Variants in OSCP1 observed in about 807,000 individuals in gnomAD.
The protein encoded by OSCP1 is protein OSCP1.
Under a neutral mutation model 45.1 loss-of-function variants are expected in OSCP1, and 35 were observed. The ratio of observed to expected loss-of-function variants is 0.78; its 90% CI spans 0.59 to 1.03. OSCP1 has a LOEUF of 1.03. OSCP1 is among the 50% of genes least tolerant of loss of function. OSCP1 has a pLI of 0.00. For missense variants in OSCP1, 400 were observed against 470.7 expected (o/e 0.85, Z 1.39); for synonymous variants, 179 against 180.1 (o/e 0.99, Z 0.05).
At position 36,422,867 on chromosome 1, in the gene OSCP1, T is replaced by C. The variant is rs371086943; in HGVS notation, c.650A>G (p.Lys217Arg). ...RMFNNKGEEV[K>R]RIEFKHGGNY... ...TCCACCATGCTTGAATTCTATCCTC[T>C]TCACTTCTTCACCTTTGTTGTTGAA... Residue 217 changes from lysine to arginine, a missense_variant, in exon 6 of 10, where the codon AAG (lysine) becomes AGG (arginine). Physicochemically the swap from Lys to Arg is conservative, Grantham distance 26. Coordinates refer to ENST00000235532, the MANE Select transcript of OSCP1 (RefSeq NM_145047.5). 3.1e-6 allele frequency: 5 copies of C among 1,607,856 alleles called. No individual in the cohort carries two copies. Among genetic ancestry groups the C allele is most frequent in the Non-Finnish European group, 4.2e-6 (5 of 1,176,664 alleles).
At position 36,419,032 on chromosome 1, in the gene OSCP1, C is replaced by T; in HGVS notation, c.982G>A (p.Glu328Lys). 1 of 1,612,790 alleles carries T rather than the reference C, an allele frequency of 6.2e-7. No homozygotes were observed. The highest frequency in any genetic ancestry group is 8.5e-7 in the Non-Finnish European group (1 of 1,178,840). ...EEEQAALTRP[E>K]ELSYEVINIQ... is the part of the protein sequence containing the mutation. ...TTGATAACTTCATAGGATAACTCTTCTGGCCTGGTTAGCGCTGCTTGTCTG... is the reference window on the plus strand; with the variant it reads ...TTGATAACTTCATAGGATAACTCTTTTGGCCTGGTTAGCGCTGCTTGTCTG... Residue 328 changes from glutamate to lysine, a missense_variant, in exon 9 of 10, where the codon GAA becomes AAA. By Grantham distance (56) the Glu-to-Lys change is moderately conservative. Coordinates refer to ENST00000235532, the MANE Select transcript of OSCP1 (RefSeq NM_145047.5).
intron 7 of OSCP1, among the ~76,000 whole-genome samples, chr1:36,421,605 A>ACATCTACCCC (rs1647619437): frequency 6.6e-6 from 1 of 152,160 alleles, no homozygotes; most frequent in South Asian, 2.1e-4. Context: ...AGATGGGACC[A>ACATCTACCCC]CATCTACGTC....
Position 36,445,702 on chromosome 1 carries a change from CATTTATTTATTT to C in OSCP1, c.112+4544_112+4555del, listed in dbSNP as rs139675900. 4.0e-5 allele frequency among the ~76,000 whole-genome samples: 6 copies of C among 151,886 alleles called. No individual in the cohort carries two copies. In the South Asian group the frequency reaches 8.3e-4, roughly 21 times the overall value. ...AATGTCCACATCTATCTTTCTGTGGCATTTATTTATTTATTTATTTATTTATTTTTGAGACAG... is the reference window on the plus strand; with the variant it reads ...AATGTCCACATCTATCTTTCTGTGGCATTTATTTATTTATTTTTGAGACAG... On this transcript the variant is annotated intron_variant, in intron 1 of 9. Transcript: ENST00000235532.
At chr1:36,442,177 G>A (rs1222200279) in intron 1 of OSCP1, among the ~76,000 whole-genome samples, 2 of 149,314 alleles carry the variant, frequency 1.3e-5, no homozygotes, top group East Asian at 4.0e-4. Flanking sequence ...AGTGAGCTGG[G>A]ATCGCTCCAT....
intron 8 of OSCP1, 135 bp downstream of exon 8, chr1:36,420,341 A>G (rs1328133717): frequency 8.9e-7 from 1 of 1,123,686 alleles, no homozygotes; most frequent in Non-Finnish European, 1.3e-6. Flanking sequence ...TATTTAGATT[A>G]TTAAATTTGT....
At chr1:36,442,285 A>G (rs1649249675) in intron 1 of OSCP1, among the ~76,000 whole-genome samples, 1 of 151,884 alleles carries the variant, frequency 6.6e-6, no homozygotes, top group Admixed American at 6.6e-5. Context: ...CAGGAGCCTC[A>G]GAAAGTTGGT....
At chr1:36,445,523 C>T (rs1176838188) in intron 1 of OSCP1, among the ~76,000 whole-genome samples, 1 of 152,188 alleles carries the variant, frequency 6.6e-6, no homozygotes, top group Non-Finnish European at 1.5e-5. Context: ...ATGGCCAGTG[C>T]CATGTCCTAA....
At chr1:36,418,951 A>T in intron 9 of OSCP1, 40 bp downstream of exon 9, 1 of 1,467,702 alleles carries the variant, frequency 6.8e-7, no homozygotes. Flanking sequence ...AAGATGAGGA[A>T]GCGAATACGA....
chr1:36,443,975 T>C (rs1649352471), intron 1 of OSCP1: 1 of 1,608,118 alleles, frequency 6.2e-7, no homozygotes. Context: ...GGATGCACAC[T>C]GAACACATGC....
intron 4 of OSCP1, chr1:36,428,249 C>A: frequency 4.2e-5 from 50 of 1,193,968 alleles, no homozygotes; most frequent in East Asian, 2.1e-4. Flanking sequence ...ATCTATTTAT[C>A]TTCCTTTGTC....
chr1:36,423,510 C>G, intron 4 of OSCP1, 44 bp from the exon 5 acceptor site: 1 of 1,453,306 alleles, frequency 6.9e-7, no homozygotes, highest in African/African-American at 1.4e-5. Context: ...GGTATATTTT[C>G]ATAGACATCA....
At position 36,418,059 on chromosome 1, in the gene OSCP1, A is replaced by T. The variant is rs1463745123; in HGVS notation, c.*80T>A. 9.0e-7 allele frequency: 1 copy of T among 1,114,340 alleles called. No individual in the cohort carries two copies. Among genetic ancestry groups the T allele is most frequent in the Non-Finnish European group, 1.3e-6 (1 of 750,810 alleles). The allele number at this position is 1,114,340 out of a possible 1,614,324, so 69.0% of individuals were successfully genotyped here. A position where few individuals can be genotyped will look rare whatever the true frequency, so the allele number is the denominator to read the frequency against. On this transcript the variant is annotated 3_prime_UTR_variant, in exon 10 of 10. Transcript: ENST00000235532. The stretch of plus-strand genomic sequence containing the variant: ...CACTCAGTAGAAAACTAGCAGCATC[A>T]TTCTGGGCCATGGGGCATTCCCCAG...
chr1:36,446,512 C>A (rs1056721004), intron 1 of OSCP1, among the ~76,000 whole-genome samples: 1 of 152,184 alleles, frequency 6.6e-6, no homozygotes, highest in Non-Finnish European at 1.5e-5. Flanking sequence ...AGGCTGAACG[C>A]CAGCAGGGGT....
At chr1:36,423,306 C>G in intron 5 of OSCP1, 57 bp downstream of exon 5, 1 of 1,339,530 alleles carries the variant, frequency 7.5e-7, no homozygotes, top group East Asian at 2.3e-5. Flanking sequence ...CGTGTGCGGC[C>G]CATGTGCTGA....
intron 9 of OSCP1, 105 bp from the exon 10 acceptor site, chr1:36,418,360 A>G: frequency 2.3e-6 from 2 of 875,378 alleles, no homozygotes; most frequent in South Asian, 3.0e-5. Context: ...GATATGTTTC[A>G]GTTGCGCACC....
At chr1:36,420,642 G>T (rs1647564561) in intron 7 of OSCP1, 27 bp from the exon 8 acceptor site, 3 of 1,611,152 alleles carry the variant, frequency 1.9e-6, no homozygotes, top group Non-Finnish European at 2.5e-6. Context: ...ATGATTTTTA[G>T]CCACATGAAG....
intron 1 of OSCP1, among the ~76,000 whole-genome samples, chr1:36,442,501 A>G (rs1165022980): frequency 4.6e-5 from 7 of 152,230 alleles, no homozygotes. Context: ...AGAAGTGTCA[A>G]ACGATGGTTG....
At chr1:36,423,228 C>T in intron 5 of OSCP1, 135 bp downstream of exon 5, 1 of 808,020 alleles carries the variant, frequency 1.2e-6, no homozygotes. Context: ...CTGACTTTTT[C>T]AATAGCTGTT....
intron 4 of OSCP1, chr1:36,428,267 G>A: frequency 6.6e-7 from 1 of 1,509,754 alleles, no homozygotes; most frequent in Non-Finnish European, 8.9e-7. Flanking sequence ...GTCCATGGAA[G>A]GGAAATACAA....
Sources: gnomAD v4.1 joint callset for allele counts (sites outside exome capture counted in the v4.1 genomes callset) on GRCh38, gnomAD v4.1.1 for gene constraint, MANE v1.5 for transcripts, NCBI Gene and HGNC (gene_info 2026-07-23, HGNC 2026-07-21) for gene names.